Variants in USH2A observed in about 807,000 individuals in gnomAD.
USH2A encodes the protein usherin, also known as Usher syndrome 2A (autosomal recessive, mild).
In USH2A, 443 loss-of-function variants were observed where a neutral mutation model predicts 538.9. The observed-to-expected ratio is 0.82, with a 90% CI of 0.76 to 0.89. USH2A has a LOEUF of 0.89. Among genes scored for constraint, USH2A ranks in the 40% least tolerant of loss-of-function variants. The pLI is 0.00. For synonymous variants in USH2A, 2,413 were observed against 2,273.5 expected (o/e 1.06, Z -1.75); for missense variants, 6,633 against 6,324.8 (o/e 1.05, Z -1.65).
intron 11 of USH2A, among the ~76,000 whole-genome samples, chr1:216,261,093 A>G (rs1341476779): frequency 6.6e-6 from 1 of 152,180 alleles, no homozygotes; most frequent in Non-Finnish European, 1.5e-5. Context: ...CAAAATATAC[A>G]ATGTGAATGA....
Position 216,046,565 on chromosome 1 carries a change from G to A in USH2A, c.6191C>T (p.Ala2064Val). 1 of 1,613,810 alleles carries A rather than the reference G, an allele frequency of 6.2e-7. No homozygotes were observed. Among genetic ancestry groups the A allele is most frequent in the Non-Finnish European group, 8.5e-7 (1 of 1,179,778 alleles). Residue 2064 changes from alanine (A) to valine (V), a missense_variant, in exon 32 of 72, where the codon GCC becomes GTC. Coordinates refer to ENST00000307340, the MANE Select transcript of USH2A (RefSeq NM_206933.4). ...EAPQEVQPPV[A>V]KSLPSSLLLS... ...CAGCAAAGAACTGGGAAGGGATTTG[G>A]CTACTGGTGGCTGAACCTCTTGTGG...
intron 9 of USH2A, among the ~76,000 whole-genome samples, chr1:216,306,335 A>G (rs1264774481): frequency 1.3e-5 from 2 of 151,906 alleles, no homozygotes; most frequent in African/African-American, 4.8e-5. Context: ...CATTTTTCTA[A>G]GTGTGTCCTT....
At chr1:216,265,542 G>T (rs1390244480) in intron 11 of USH2A, among the ~76,000 whole-genome samples, 3 of 151,902 alleles carry the variant, frequency 2.0e-5, no homozygotes, top group Admixed American at 2.0e-4. Flanking sequence ...AGAGATATCT[G>T]CACTCCCATG....
chr1:215,777,428 T>C (rs1661495534), intron 55 of USH2A, among the ~76,000 whole-genome samples: 1 of 152,256 alleles, frequency 6.6e-6, no homozygotes, highest in African/African-American at 2.4e-5. Context: ...AATTCGAAGC[T>C]GATGCTGGTT....
intron 32 of USH2A, among the ~76,000 whole-genome samples, chr1:216,011,299 T>C (rs566825286): frequency 6.6e-6 from 1 of 152,134 alleles, no homozygotes; most frequent in Non-Finnish European, 1.5e-5. Context: ...AGCCTCTCTT[T>C]GCTTTCACTT....
At chr1:215,643,249 C>T (rs964701948) in intron 67 of USH2A, among the ~76,000 whole-genome samples, 5 of 152,294 alleles carry the variant, frequency 3.3e-5, no homozygotes, top group African/African-American at 1.2e-4. Context: ...CTGCCCACCT[C>T]TGCCTCCCAA....
chr1:215,939,336 G>A (rs1434687928), intron 37 of USH2A, among the ~76,000 whole-genome samples: 1 of 151,992 alleles, frequency 6.6e-6, no homozygotes, highest in Non-Finnish European at 1.5e-5. Flanking sequence ...ATTCTAAAGG[G>A]TCTTGAAAAA....
chr1:216,222,265 C>T (rs1572064086), intron 14 of USH2A, among the ~76,000 whole-genome samples: 2 of 152,240 alleles, frequency 1.3e-5, no homozygotes, highest in East Asian at 3.9e-4. Context: ...CATATGAGCT[C>T]TATTGTAACT....
intron 58 of USH2A, among the ~76,000 whole-genome samples, chr1:215,747,408 G>C (rs1045984437): frequency 3.3e-5 from 5 of 151,890 alleles, no homozygotes; most frequent in East Asian, 1.9e-4. Flanking sequence ...GCTATTCTTC[G>C]AGGCCTAATT....
At chr1:216,249,780 A>G (rs542345598) in intron 12 of USH2A, among the ~76,000 whole-genome samples, 1 of 152,264 alleles carries the variant, frequency 6.6e-6, no homozygotes, top group South Asian at 2.1e-4. Flanking sequence ...AATAAAAGAT[A>G]AAGAATTAGA....
intron 38 of USH2A, among the ~76,000 whole-genome samples, chr1:215,931,678 G>A (rs1275973875): frequency 3.3e-5 from 5 of 151,984 alleles, no homozygotes; most frequent in African/African-American, 7.2e-5. Flanking sequence ...AAAACAAGTC[G>A]TTAAGCAATC....
chr1:216,370,368 A>G (rs2038684590), intron 3 of USH2A, among the ~76,000 whole-genome samples: 1 of 145,190 alleles, frequency 6.9e-6, no homozygotes, highest in Admixed American at 7.0e-5. Context: ...CCAAAAAAAG[A>G]AAAAAAAGAA....
At chr1:215,929,171 G>A (rs1186735893) in intron 38 of USH2A, among the ~76,000 whole-genome samples, 1 of 151,740 alleles carries the variant, frequency 6.6e-6, no homozygotes, top group African/African-American at 2.4e-5. Flanking sequence ...AAGCATTTGT[G>A]AATAAAATAT....
intron 3 of USH2A, among the ~76,000 whole-genome samples, chr1:216,372,299 C>A (rs2038729026): frequency 6.6e-6 from 1 of 152,110 alleles, no homozygotes; most frequent in South Asian, 2.1e-4. Flanking sequence ...CCTCTGTCCA[C>A]TTCTCTCCAT....
intron 60 of USH2A, among the ~76,000 whole-genome samples, chr1:215,737,464 G>C: frequency 6.6e-6 from 1 of 151,842 alleles, no homozygotes; most frequent in East Asian, 1.9e-4. Context: ...AGTGTTCCAT[G>C]AATATTCTAG....
chr1:216,061,806 A>C (rs1406026917), intron 30 of USH2A, among the ~76,000 whole-genome samples: 2 of 152,190 alleles, frequency 1.3e-5, no homozygotes, highest in Non-Finnish European at 2.9e-5. Context: ...GTCCTAGGCA[A>C]ACCCAAACTT....
intron 67 of USH2A, among the ~76,000 whole-genome samples, chr1:215,644,835 T>G (rs1439589944): frequency 6.6e-6 from 1 of 152,190 alleles, no homozygotes; most frequent in African/African-American, 2.4e-5. Context: ...AAAGTTTTGC[T>G]GTCAGAGAGA....
Position 215,674,447 on chromosome 1 carries a change from T to C in USH2A, c.13464A>G (p.Thr4488=), listed in dbSNP as rs749353722. The C allele has an allele frequency of 6.2e-7, 1 of 1,614,188 alleles. No homozygotes were observed. The highest frequency in any genetic ancestry group is 8.5e-7 in the Non-Finnish European group (1 of 1,180,028). ...AATCACGATAGCGTGTTTCCAAGCCTGTATATACAATGGTTCCATCCCTCC... is the reference window on the plus strand; with the variant it reads ...AATCACGATAGCGTGTTTCCAAGCCCGTATATACAATGGTTCCATCCCTCC... The part of the protein sequence containing the change: ...ELRRDGTIVY[T]GLETRYRDFT... The change falls in exon 63 of 72, where the codon ACA becomes ACG. Residue 4488 remains threonine (T), a synonymous_variant. Coordinates refer to ENST00000307340, the MANE Select transcript of USH2A (RefSeq NM_206933.4).
intron 61 of USH2A, among the ~76,000 whole-genome samples, chr1:215,724,077 TATATC>T (rs1659740137): frequency 3.0e-4 from 2 of 6,612 alleles, no homozygotes; most frequent in African/African-American, 3.8e-4. Flanking sequence ...ATGTGATATC[TATATC>T]TATATCTATA....
Sources: allele counts gnomAD v4.1 joint callset (sites outside exome capture counted in the v4.1 genomes callset), GRCh38; gene constraint gnomAD v4.1.1; transcripts MANE v1.5; gene names NCBI Gene and HGNC (gene_info 2026-07-23, HGNC 2026-07-21).